KSR2: variants seen among roughly 807,000 people sequenced by gnomAD.
The protein encoded by KSR2 is kinase suppressor of ras 2.
A neutral mutation model predicts 107.8 loss-of-function variants in KSR2; 25 were observed. The ratio of observed to expected loss-of-function variants is 0.23; its 90% CI spans 0.17 to 0.32. KSR2 has a LOEUF of 0.32. Among genes scored for constraint, KSR2 ranks in the 10% least tolerant of loss-of-function variants. The pLI, the probability that KSR2 is intolerant of heterozygous loss-of-function variation, is 1.00. For synonymous variants in KSR2, 480 were observed against 507.0 expected, an observed-to-expected ratio of 0.95 and a Z score of 0.71; for missense variants, 887 against 1,268.9, an observed-to-expected ratio of 0.70 and a Z score of 4.57.
chr12:117,501,081 G>A (rs1873347411), intron 14 of KSR2, among the ~76,000 whole-genome samples: 1 of 152,228 alleles, frequency 6.6e-6, no homozygotes, highest in Non-Finnish European at 1.5e-5. Flanking sequence ...TGACCCATTA[G>A]CTAAGAATGA....
At chr12:117,836,284 C>T (rs566960785) in intron 3 of KSR2, among the ~76,000 whole-genome samples, 1 of 152,080 alleles carries the variant, frequency 6.6e-6, no homozygotes, top group South Asian at 2.1e-4. Flanking sequence ...AGCTCTGGGG[C>T]CCCGAGACCA....
intron 1 of KSR2, among the ~76,000 whole-genome samples, chr12:117,935,531 T>G (rs1895811799): frequency 6.6e-6 from 1 of 151,936 alleles, no homozygotes; most frequent in African/African-American, 2.4e-5. Flanking sequence ...GAGGCCGAGG[T>G]GGGTGGATCA....
At chr12:117,528,349 T>C (rs1183415551) in intron 12 of KSR2, among the ~76,000 whole-genome samples, 1 of 152,146 alleles carries the variant, frequency 6.6e-6, no homozygotes, top group Non-Finnish European at 1.5e-5. Context: ...GAGACAGAAC[T>C]GGGCTATTGA....
intron 14 of KSR2, among the ~76,000 whole-genome samples, chr12:117,503,350 A>G (rs1873493526): frequency 6.6e-6 from 1 of 152,208 alleles, no homozygotes; most frequent in East Asian, 1.9e-4. Context: ...CTAGGCACTC[A>G]GGAGACTACA....
chr12:117,881,986 G>C (rs1299926643), intron 1 of KSR2, among the ~76,000 whole-genome samples: 1 of 152,208 alleles, frequency 6.6e-6, no homozygotes, highest in Non-Finnish European at 1.5e-5. Flanking sequence ...GGAGTGTCCT[G>C]CGCATATTTA....
rs1491387208 is a variant in KSR2, at chr12:117,956,249, C to CATAA, written c.180+11826_180+11827insTTAT. Among the ~76,000 whole-genome samples the CATAA allele has an allele frequency of 8.1e-3, 383 of 47,528 alleles. 2 individuals carry two copies. The highest frequency in any genetic ancestry group is 0.043 in the Middle Eastern group (2 of 46). The allele number at this position is 47,528 out of a possible 152,430, so 31.2% of individuals were successfully genotyped here. A position where few individuals can be genotyped will look rare whatever the true frequency, so the allele number is the denominator to read the frequency against. ...TGGGCGACAGAGCAAGACTCTGTCT[C>CATAA]AAAAAAAAAAAAAAAAAAAAAAAAA... On this transcript the variant is annotated intron_variant, in intron 1 of 19. Transcript: ENST00000339824.
intron 3 of KSR2, among the ~76,000 whole-genome samples, chr12:117,803,516 C>T (rs1054837101): frequency 2.0e-5 from 3 of 152,082 alleles, no homozygotes; most frequent in African/African-American, 7.2e-5. Flanking sequence ...TCCTGGCCAA[C>T]ATGGTGAAAC....
At chr12:117,609,539 T>C (rs1168689033) in intron 5 of KSR2, among the ~76,000 whole-genome samples, 1 of 152,264 alleles carries the variant, frequency 6.6e-6, no homozygotes, top group African/African-American at 2.4e-5. Context: ...AATCATATTT[T>C]GTGACATGGA....
intron 3 of KSR2, among the ~76,000 whole-genome samples, chr12:117,792,834 C>G (rs150705921): frequency 4.6e-5 from 7 of 152,120 alleles, no homozygotes; most frequent in Non-Finnish European, 1.0e-4. Context: ...GTGAAGACAC[C>G]AAGGCAAATA....
intron 14 of KSR2, among the ~76,000 whole-genome samples, chr12:117,494,486 G>A (rs1316160638): frequency 1.3e-5 from 2 of 152,088 alleles, no homozygotes; most frequent in Admixed American, 6.5e-5. Flanking sequence ...GATGCTGGGG[G>A]TCCAGGGAAC....
intron 4 of KSR2, among the ~76,000 whole-genome samples, chr12:117,740,782 T>C (rs575961222): frequency 1.3e-5 from 2 of 151,866 alleles, no homozygotes; most frequent in South Asian, 4.1e-4. Flanking sequence ...TAAACATACA[T>C]GTGCAAGTAT....
chr12:117,890,246 T>C (rs559885117), intron 1 of KSR2, among the ~76,000 whole-genome samples: 1 of 152,302 alleles, frequency 6.6e-6, no homozygotes, highest in East Asian at 1.9e-4. Flanking sequence ...AGAGAAGTGT[T>C]ACCTAAAGTC....
chr12:117,739,535 C>T (rs980051126), intron 4 of KSR2, among the ~76,000 whole-genome samples: 1 of 152,032 alleles, frequency 6.6e-6, no homozygotes, highest in Non-Finnish European at 1.5e-5. Flanking sequence ...CAATTAGTGC[C>T]GGGCATATCA....
chr12:117,530,960 G>A lies in KSR2; in HGVS notation c.1783C>T (p.Pro595Ser). 1 of 1,613,668 alleles carries A rather than the reference G, an allele frequency of 6.2e-7. No individual in the cohort carries two copies. The highest frequency in any genetic ancestry group is 8.5e-7 in the Non-Finnish European group (1 of 1,179,700). The change falls in exon 12 of 20, where the codon CCG (proline) becomes TCG (serine). Residue 595 changes from proline (P) to serine (S), a missense_variant. Pro to Ser is a moderately conservative substitution (Grantham distance 74). Coordinates refer to ENST00000339824, the MANE Select transcript of KSR2 (RefSeq NM_173598.6). ...PTRAPQVILHPVTSNPILEGN... is the reference protein window; with the variant it reads ...PTRAPQVILHSVTSNPILEGN... ...ACTTACATTGGATTCGAGGTCACCGGATGCAGGATGACCTGGGGCGCCCGG... is the reference window on the plus strand; with the variant it reads ...ACTTACATTGGATTCGAGGTCACCGAATGCAGGATGACCTGGGGCGCCCGG...
chr12:117,945,609 G>T (rs544906732), intron 1 of KSR2, among the ~76,000 whole-genome samples: 1 of 152,296 alleles, frequency 6.6e-6, no homozygotes, highest in African/African-American at 2.4e-5. Flanking sequence ...CGGAGGTAGA[G>T]GTTGCAATGA....
chr12:117,848,704 G>T (rs1317797683), intron 3 of KSR2, among the ~76,000 whole-genome samples: 1 of 147,542 alleles, frequency 6.8e-6, no homozygotes, highest in Non-Finnish European at 1.5e-5. Flanking sequence ...AGGAGAAGTG[G>T]AGAAAAGTGA....
intron 5 of KSR2, among the ~76,000 whole-genome samples, chr12:117,661,628 A>G (rs1195320310): frequency 6.6e-6 from 1 of 152,234 alleles, no homozygotes; most frequent in Non-Finnish European, 1.5e-5. Flanking sequence ...GCCAGCCTGC[A>G]GAACTCCCTG....
intron 5 of KSR2, among the ~76,000 whole-genome samples, chr12:117,596,675 A>G (rs1880664070): frequency 6.6e-6 from 1 of 152,224 alleles, no homozygotes; most frequent in African/African-American, 2.4e-5. Context: ...ACATTGCTAG[A>G]TCAAATTCTA....
At chr12:117,479,100 G>T (rs1287335745) in intron 16 of KSR2, among the ~76,000 whole-genome samples, 1 of 152,170 alleles carries the variant, frequency 6.6e-6, no homozygotes, top group Non-Finnish European at 1.5e-5. Flanking sequence ...GGGTAAGGCT[G>T]GATGTATCCC....
Sources: allele counts gnomAD v4.1 joint callset (sites outside exome capture counted in the v4.1 genomes callset), GRCh38; gene constraint gnomAD v4.1.1; transcripts MANE v1.5; gene names NCBI Gene and HGNC (gene_info 2026-07-23, HGNC 2026-07-21).